Variants in TEX26 observed in about 807,000 individuals in gnomAD.
TEX26 encodes the protein testis expressed 26.
In TEX26, 34 loss-of-function variants were observed where a neutral mutation model predicts 35.3. That is an observed-to-expected ratio of 0.96 (90% CI 0.73 to 1.28). TEX26 has a LOEUF of 1.28. Ranked by LOEUF, TEX26 falls within the 50% of genes most tolerant of loss-of-function variation. The pLI is 0.00. For synonymous variants in TEX26, 136 were observed against 111.8 expected, an observed-to-expected ratio of 1.22 and a Z score of -1.36; for missense variants, 371 against 330.1, an observed-to-expected ratio of 1.12 and a Z score of -0.96.
intron 6 of TEX26, 39 bp from the exon 7 acceptor site, chr13:30,974,807 C>T (rs748289887): frequency 3.9e-5 from 59 of 1,505,380 alleles, no homozygotes; most frequent in African/African-American, 1.0e-4. Context: ...TAAATACTTA[C>T]GTGAAAATTT....
At chr13:30,945,221 T>A (rs1953659329) in intron 2 of TEX26, among the ~76,000 whole-genome samples, 1 of 151,964 alleles carries the variant, frequency 6.6e-6, no homozygotes, top group Non-Finnish European at 1.5e-5. Context: ...TTTTTTTTAC[T>A]GTTGTTGCTT....
Position 30,975,456 on chromosome 13 carries a change from C to T in TEX26, c.*549C>T, listed in dbSNP as rs1000196317. ...AATTGTATACTTGAATTGTTCAATT[C>T]TGAAAGAATATTGGAACCTCCCACA... On this transcript the variant is annotated 3_prime_UTR_variant, in exon 7 of 7. Coordinates refer to ENST00000380473, the MANE Select transcript of TEX26 (RefSeq NM_152325.3). The T allele has an allele frequency of 6.6e-6, 1 of 151,974 alleles. No homozygotes were observed. The highest frequency in any genetic ancestry group is 1.5e-5 in the Non-Finnish European group (1 of 67,980). The allele number at this position is 151,974 out of a possible 1,614,324, so 9.4% of individuals were successfully genotyped here. A position where few individuals can be genotyped will look rare whatever the true frequency, so the allele number is the denominator to read the frequency against.
chr13:30,957,249 A>C (rs1430061837), intron 4 of TEX26, among the ~76,000 whole-genome samples: 1 of 152,124 alleles, frequency 6.6e-6, no homozygotes, highest in Non-Finnish European at 1.5e-5. Context: ...TTAGTGTGGG[A>C]TAGGGGGTCA....
At chr13:30,955,511 G>GA (rs534442400) in intron 3 of TEX26, among the ~76,000 whole-genome samples, 74 of 152,330 alleles carry the variant, frequency 4.9e-4, no homozygotes, top group African/African-American at 1.8e-3. Context: ...GAGAGAACTT[G>GA]AAAATTAAAA....
intron 4 of TEX26, among the ~76,000 whole-genome samples, chr13:30,965,304 G>A (rs762034363): frequency 2.6e-5 from 4 of 152,210 alleles, no homozygotes; most frequent in East Asian, 3.9e-4. Flanking sequence ...GATATAAAAC[G>A]TATACCAGTA....
Position 30,952,674 on chromosome 13 carries a change from G to A in TEX26, c.161G>A (p.Arg54Lys). The A allele has an allele frequency of 1.3e-6, 2 of 1,586,204 alleles. No individual in the cohort carries two copies. The highest frequency in any genetic ancestry group is 1.7e-4 in the Middle Eastern group (1 of 5,826). The change falls in exon 3 of 7, where the codon AGA (arginine) becomes AAA (lysine). Residue 54 changes from arginine to lysine, a missense_variant. By Grantham distance (26) the Arg-to-Lys change is conservative (BLOSUM62 2). Coordinates refer to ENST00000380473, the MANE Select transcript of TEX26 (RefSeq NM_152325.3). ...TTTTTTTATAGCCAAAACGGTATCAGAAGATTAGGATATACATATTCACTT... is the reference window on the plus strand; with the variant it reads ...TTTTTTTATAGCCAAAACGGTATCAAAAGATTAGGATATACATATTCACTT... ...VPALIRQNGI[R>K]RLGYTYSLSD...
At chr13:30,935,746 A>AC (rs1953251806) in intron 1 of TEX26, among the ~76,000 whole-genome samples, 1 of 152,212 alleles carries the variant, frequency 6.6e-6, no homozygotes, top group South Asian at 2.1e-4. Context: ...TGACCTGCCT[A>AC]CAGAGAGAAG....
intron 4 of TEX26, among the ~76,000 whole-genome samples, chr13:30,959,064 C>T (rs1299648116): frequency 6.6e-6 from 1 of 152,218 alleles, no homozygotes; most frequent in East Asian, 1.9e-4. Flanking sequence ...CCCAGGCAGT[C>T]TGGCTTCTCT....
chr13:30,967,439 G>A (rs1954577829), intron 5 of TEX26, among the ~76,000 whole-genome samples: 1 of 152,192 alleles, frequency 6.6e-6, no homozygotes, highest in Non-Finnish European at 1.5e-5. Context: ...AGAAGTTGTA[G>A]CAGCTGTAAT....
chr13:30,957,431 G>A (rs1365776927), intron 4 of TEX26, among the ~76,000 whole-genome samples: 1 of 152,172 alleles, frequency 6.6e-6, no homozygotes, highest in Non-Finnish European at 1.5e-5. Context: ...GGAGATCAAC[G>A]TGGGCAGAGA....
rs1408057595 is a variant in TEX26, at chr13:30,974,930, A to G, written c.*23A>G. The G allele has an allele frequency of 1.3e-6, 2 of 1,489,270 alleles. No individual in the cohort carries two copies. The highest frequency in any genetic ancestry group is 1.4e-5 in the African/African-American group (1 of 70,116). The allele number at this position is 1,489,270 out of a possible 1,614,324, so 92.3% of individuals were successfully genotyped here. A position where few individuals can be genotyped will look rare whatever the true frequency, so the allele number is the denominator to read the frequency against. On this transcript the variant is annotated 3_prime_UTR_variant, in exon 7 of 7. Coordinates refer to ENST00000380473, the MANE Select transcript of TEX26 (RefSeq NM_152325.3). The stretch of plus-strand genomic sequence containing the variant: ...TGAAAAGGGAAAATAGTACAAATGA[A>G]GAAAATCTGAAAATCAATGGAAGCA...
At chr13:30,962,776 A>T (rs1039804770) in intron 4 of TEX26, among the ~76,000 whole-genome samples, 2 of 152,018 alleles carry the variant, frequency 1.3e-5, no homozygotes, top group Non-Finnish European at 2.9e-5. Context: ...TTCCCACTTG[A>T]CTATAGGTTA....
At chr13:30,964,241 G>A (rs1954448799) in intron 4 of TEX26, among the ~76,000 whole-genome samples, 2 of 152,042 alleles carry the variant, frequency 1.3e-5, no homozygotes, top group African/African-American at 4.8e-5. Context: ...AAGTGCCTGG[G>A]GCTCACTTCT....
At chr13:30,936,468 C>T (rs1953275966) in intron 1 of TEX26, among the ~76,000 whole-genome samples, 1 of 152,208 alleles carries the variant, frequency 6.6e-6, no homozygotes, top group South Asian at 2.1e-4. Flanking sequence ...TTTCAAACAT[C>T]TACTAAATTA....
At chr13:30,942,708 C>T (rs1040977759) in intron 2 of TEX26, among the ~76,000 whole-genome samples, 1 of 151,950 alleles carries the variant, frequency 6.6e-6, no homozygotes, top group East Asian at 1.9e-4. Flanking sequence ...AGATGCTAGC[C>T]AATTTTCCCG....
At chr13:30,945,307 T>G (rs938655405) in intron 2 of TEX26, among the ~76,000 whole-genome samples, 1 of 152,008 alleles carries the variant, frequency 6.6e-6, no homozygotes, top group African/African-American at 2.4e-5. Flanking sequence ...AATATCTTTT[T>G]CCACCCTTTT....
chr13:30,948,801 A>G (rs1194888136), intron 2 of TEX26, among the ~76,000 whole-genome samples: 2 of 152,336 alleles, frequency 1.3e-5, no homozygotes, highest in African/African-American at 2.4e-5. Flanking sequence ...TGTTTTAGAC[A>G]TGAAGTCCTT....
chr13:30,962,140 C>T (rs919638280), intron 4 of TEX26, among the ~76,000 whole-genome samples: 1 of 152,164 alleles, frequency 6.6e-6, no homozygotes, highest in Non-Finnish European at 1.5e-5. Flanking sequence ...TGAGCTTTTC[C>T]AGTTTTGTGT....
At chr13:30,957,250 T>C (rs1954173833) in intron 4 of TEX26, among the ~76,000 whole-genome samples, 1 of 151,962 alleles carries the variant, frequency 6.6e-6, no homozygotes, top group African/African-American at 2.4e-5. Flanking sequence ...TAGTGTGGGA[T>C]AGGGGGTCAG....
Sources: allele counts gnomAD v4.1 joint callset (sites outside exome capture counted in the v4.1 genomes callset), GRCh38; gene constraint gnomAD v4.1.1; transcripts MANE v1.5; gene names NCBI Gene and HGNC (gene_info 2026-07-23, HGNC 2026-07-21).